The following PLCB3 variants were observed in gnomAD, a reference collection of about 807,000 sequenced individuals.
PLCB3 encodes phospholipase C beta 3, also known as 1-phosphatidylinositol 4,5-bisphosphate phosphodiesterase beta-3.
In PLCB3, 54 loss-of-function variants were observed where a neutral mutation model predicts 152.1. The ratio of observed to expected loss-of-function variants is 0.36; its 90% confidence interval spans 0.29 to 0.45. The LOEUF is 0.45. PLCB3 is among the 20% of genes least tolerant of loss of function. The pLI is 1.00. For synonymous variants in PLCB3, 717 were observed against 698.7 expected (o/e 1.03, Z -0.41); for missense variants, 1,248 against 1,687.5 (o/e 0.74, Z 4.56).
intron 24 of PLCB3, 32 bp from the exon 25 acceptor site, chr11:64,265,277 AC>A: frequency 6.8e-6 from 4 of 588,064 alleles, no homozygotes; most frequent in Non-Finnish European, 8.8e-6. Context: ...AGGTTCCCCC[AC>A]CCCCCGCCCA....
Position 64,266,309 on chromosome 11 carries a change from C to G in PLCB3, c.3267-6C>G, listed in dbSNP as rs754291633. The G allele has an allele frequency of 6.2e-7, 1 of 1,613,434 alleles. No individual in the cohort carries two copies. The highest frequency in any genetic ancestry group is 8.5e-7 in the Non-Finnish European group (1 of 1,179,902). ...ACCCCTCCTCTTCCCCTGCCGGCTT[C>G]TCCAGGGAGAAGAAGGAGCTGCAGA... On this transcript the variant is annotated splice_region_variant and splice_polypyrimidine_tract_variant and intron_variant, in intron 27 of 30. Coordinates refer to ENST00000279230, the MANE Select transcript of PLCB3 (RefSeq NM_000932.5). The surrounding 1 kb of genome is among the most constrained non-coding windows in gnomAD (Gnocchi z 4.9).
Position 64,267,234 on chromosome 11 carries a change from A to G in PLCB3, c.3464A>G (p.Gln1155Arg). 3 of 1,550,476 alleles carry G rather than the reference A, an allele frequency of 1.9e-6. No homozygotes were observed. The highest frequency in any genetic ancestry group is 2.6e-6 in the Non-Finnish European group (3 of 1,146,966). ...CATGACCGTCTTGTGGCTGGGCAGC[A>G]GCAGGTCCTGCAACAGCTGGCAGAA... ...QRHDRLVAGQ[Q>R]QVLQQLAEEE... Residue 1155 changes from glutamine to arginine, a missense_variant, in exon 30 of 31, where the codon CAG (glutamine) becomes CGG (arginine). Gln to Arg is a conservative substitution (Grantham distance 43). Coordinates refer to ENST00000279230, the MANE Select transcript of PLCB3 (RefSeq NM_000932.5). The surrounding 1 kb of genome is among the most constrained non-coding windows in gnomAD (Gnocchi z 5.2).
chr11:64,263,927 C>T (rs933016444), intron 21 of PLCB3, 94 bp from the exon 22 acceptor site: 22 of 1,204,524 alleles, frequency 1.8e-5, no homozygotes, highest in Non-Finnish European at 2.6e-5. Flanking sequence ...GATCTGAGGA[C>T]AAGCTCTGGA....
intron 14 of PLCB3, among the ~76,000 whole-genome samples, chr11:64,260,489 G>T (rs936909099): frequency 3.3e-5 from 5 of 152,100 alleles, no homozygotes; most frequent in Admixed American, 6.6e-5. Flanking sequence ...GGGCAGGGAG[G>T]TGGGGCAGGG....
At chr11:64,254,858 G>A (rs771225806) in intron 3 of PLCB3, 40 bp from the exon 4 acceptor site, 174 of 1,613,574 alleles carry the variant, frequency 1.1e-4, no homozygotes, top group Non-Finnish European at 1.4e-4. Context: ...GCGAGGCTGT[G>A]CGGGAGCCCC....
rs775691878 is a variant in PLCB3, at chr11:64,261,563, T to C, written c.1829-18T>C. Reference sequence around the variant, plus strand: ...CAGCCCTGCCAGGTCTGACGCCCTTTCTTGGCTCACCCCTAAGAGAGGAAC... The same window carrying C: ...CAGCCCTGCCAGGTCTGACGCCCTTCCTTGGCTCACCCCTAAGAGAGGAAC... On this transcript the variant is annotated intron_variant, in intron 15 of 30. Coordinates refer to ENST00000279230, the MANE Select transcript of PLCB3 (RefSeq NM_000932.5). 6 of 1,614,006 alleles carry C rather than the reference T, an allele frequency of 3.7e-6. No homozygotes were observed. The South Asian group carries it at 6.6e-5, about 18-fold the overall frequency.
chr11:64,256,997 C>CTTTTTTTTTTTTTTTTT (rs5792316), intron 10 of PLCB3, among the ~76,000 whole-genome samples: 59 of 61,556 alleles, frequency 9.6e-4, no homozygotes, highest in Non-Finnish European at 1.5e-3. Context: ...CTTCAGGGTC[C>CTTTTTTTTTTTTTTTTT]TTTTTTTTTT....
At position 64,266,645 on chromosome 11, in the gene PLCB3, C is replaced by G; in HGVS notation, c.3414+93C>G. On this transcript the variant is annotated intron_variant, in intron 29 of 30. Transcript: ENST00000279230. The surrounding 1 kb of genome is among the most constrained non-coding windows in gnomAD (Gnocchi z 4.9). ...GCCTGGCCTGGTGCCACGTTGCCCT[C>G]AAGGTTCTTCTAGGGCCTTTCTCAA... 8.0e-7 allele frequency: 1 copy of G among 1,243,462 alleles called. No individual in the cohort carries two copies. Among genetic ancestry groups the G allele is most frequent in the South Asian group, 1.2e-5 (1 of 82,010 alleles). The allele number at this position is 1,243,462 out of a possible 1,614,324, so 77.0% of individuals were successfully genotyped here. A position where few individuals can be genotyped will look rare whatever the true frequency, so the allele number is the denominator to read the frequency against.
In PLCB3 at chr11:64,255,857, T is replaced by C. The variant is rs2031502408; in HGVS notation, c.698+36T>C. The C allele has an allele frequency of 1.5e-5, 22 of 1,448,572 alleles. No homozygotes were observed. Among genetic ancestry groups the C allele is most frequent in the Non-Finnish European group, 2.1e-5 (22 of 1,029,168 alleles). 89.7% of individuals were successfully genotyped at this position (1,448,572 alleles called of 1,614,324 possible). ...CCGGCCTGCCTCACAACCCCTGTGC[T>C]CTGTGTTTAGCTTCTGCTTAGCGTG... On this transcript the variant is annotated intron_variant, in intron 8 of 30. Coordinates refer to ENST00000279230, the MANE Select transcript of PLCB3 (RefSeq NM_000932.5). This position sits in a 1 kb window ranked among gnomAD's most constrained non-coding sequence, Gnocchi z 6.8.
chr11:64,264,935 T>C lies in PLCB3; in HGVS notation c.2653-16T>C. Reference sequence around the variant, plus strand: ...AACAGCATTTCTGAAAAGAGCATTCTCCTTTCTCCCTATAGGCTCAGGCTG... The same window carrying C: ...AACAGCATTTCTGAAAAGAGCATTCCCCTTTCTCCCTATAGGCTCAGGCTG... On this transcript the variant is annotated splice_polypyrimidine_tract_variant and intron_variant, in intron 22 of 30. Transcript: ENST00000279230. 6.2e-7 allele frequency: 1 copy of C among 1,612,832 alleles called. No individual in the cohort carries two copies. Among genetic ancestry groups the C allele is most frequent in the Non-Finnish European group, 8.5e-7 (1 of 1,179,562 alleles).
At chr11:64,257,015 T>TG (rs2031573180) in intron 10 of PLCB3, among the ~76,000 whole-genome samples, 1 of 143,508 alleles carries the variant, frequency 7.0e-6, no homozygotes, top group Non-Finnish European at 1.6e-5. Context: ...TTTTTTTTTT[T>TG]TTTTTTGAGA....
rs757251970 is a variant in PLCB3 at position 64,263,795 on chromosome 11, G to C, written c.2560G>C (p.Asp854His). 5.0e-6 allele frequency: 8 copies of C among 1,609,584 alleles called. No individual in the cohort carries two copies. Among genetic ancestry groups the C allele is most frequent in the Middle Eastern group, 1.6e-4 (1 of 6,078 alleles). ...GGACTACATTCCTGACGACCACCAG[G>C]GTGAGCTGGGGGTGGGCGGGGCCTG... ...ASDYIPDDHQ[D>H]YAEALINPIK... Residue 854 changes from aspartate (D) to histidine (H), a missense_variant and splice_region_variant, in exon 21 of 31, where the codon GAC (aspartate) becomes CAC (histidine). Physicochemically the swap from Asp to His is moderately conservative, Grantham distance 81. This residue lies in a region of PLCB3 where 244 missense variants were observed against 424.4 expected (regional missense o/e 0.57). Transcript: ENST00000279230.
Position 64,263,798 on chromosome 11 carries a change from G to A in PLCB3, c.2560+3G>A, listed in dbSNP as rs372854524. 80 of 1,608,560 alleles carry A rather than the reference G, an allele frequency of 5.0e-5. No homozygotes were observed. The highest frequency in any genetic ancestry group is 9.4e-5 in the African/African-American group (7 of 74,846). On this transcript the variant is annotated splice_donor_region_variant and intron_variant, in intron 21 of 30. Transcript: ENST00000279230. The stretch of plus-strand genomic sequence containing the variant: ...CTACATTCCTGACGACCACCAGGGT[G>A]AGCTGGGGGTGGGCGGGGCCTGCCT...
At chr11:64,264,884 G>A (rs2032030520) in intron 22 of PLCB3, 67 bp from the exon 23 acceptor site, 2 of 1,514,196 alleles carry the variant, frequency 1.3e-6, no homozygotes, top group Non-Finnish European at 1.8e-6. Context: ...CCCAGGAGGT[G>A]GTAGAGGACA....
chr11:64,265,025 C>G lies in PLCB3; in HGVS notation c.2727C>G (p.Thr909=). Residue 909 remains threonine (T), a synonymous_variant, in exon 23 of 31, where the codon ACC becomes ACG. Coordinates refer to ENST00000279230, the MANE Select transcript of PLCB3 (RefSeq NM_000932.5). ...QLGSQPSSNP[T]PSPLDASPRR... is the part of the protein sequence containing the mutation. ...GGTCTCAGCCGTCCTCAAACCCCAC[C>G]CCCAGCCCACTGGATGCCTCCCCCC... 6.3e-7 allele frequency: 1 copy of G among 1,597,336 alleles called. No individual in the cohort carries two copies. Among genetic ancestry groups the G allele is most frequent in the Non-Finnish European group, 8.5e-7 (1 of 1,170,370 alleles).
rs979093622 is a variant in PLCB3 at position 64,263,531 on chromosome 11, G to A, written c.2389G>A (p.Ala797Thr). The change falls in exon 20 of 31, where the codon GCA (alanine) becomes ACA (threonine). Residue 797 changes from alanine to threonine, a missense_variant. By Grantham distance (58) the Ala-to-Thr change is moderately conservative. Transcript: ENST00000279230. ...GCCCACGCTGGCTTCACTTCGCATT[G>A]CAGCCTTTGAGGAGGGGGGTAAATT... ...VLPTLASLRI[A>T]AFEEGGKFVG... is the part of the protein sequence containing the mutation. The A allele has an allele frequency of 3.8e-6, 6 of 1,581,458 alleles. No homozygotes were observed. The highest frequency in any genetic ancestry group is 5.2e-6 in the Non-Finnish European group (6 of 1,164,128).
intron 1 of PLCB3, among the ~76,000 whole-genome samples, chr11:64,252,668 G>A (rs530791430): frequency 1.3e-5 from 2 of 152,322 alleles, no homozygotes; most frequent in South Asian, 4.1e-4. Context: ...TGAAGCGGCA[G>A]GTGTGCGAGG....
chr11:64,264,620 C>G (rs993556962), intron 22 of PLCB3, among the ~76,000 whole-genome samples: 3 of 152,132 alleles, frequency 2.0e-5, no homozygotes, highest in Non-Finnish European at 4.4e-5. Flanking sequence ...GGAAAATGAG[C>G]GACTGTAGGC....
intron 1 of PLCB3, among the ~76,000 whole-genome samples, chr11:64,252,874 A>T (rs1171134836): frequency 6.6e-6 from 1 of 152,002 alleles, no homozygotes; most frequent in Non-Finnish European, 1.5e-5. Flanking sequence ...GCTGCCTTTG[A>T]GGTCCAGACC....
Sources: gnomAD v4.1 joint callset for allele counts (sites outside exome capture counted in the v4.1 genomes callset) on GRCh38, gnomAD v4.1.1 for gene constraint, gnomAD v4.1.1 regional missense constraint, Gnocchi (gnomAD v3.1) non-coding constraint, MANE v1.5 for transcripts, NCBI Gene and HGNC (gene_info 2026-07-23, HGNC 2026-07-21) for gene names.